CEACAM7: variants seen among roughly 807,000 people sequenced by gnomAD.
The protein encoded by CEACAM7 is cell adhesion molecule CEACAM7.
Under a neutral mutation model 25.7 loss-of-function variants are expected in CEACAM7, and 24 were observed. That is an observed-to-expected ratio of 0.93 (90% CI 0.68 to 1.31). The LOEUF is 1.31. CEACAM7 is among the 40% of genes most tolerant of loss of function. The probability of loss-of-function intolerance (pLI) is 0.00; values close to 1 mark genes in which losing one functional copy is unlikely to be tolerated. For synonymous variants in CEACAM7, 144 were observed against 129.4 expected, an observed-to-expected ratio of 1.11 and a Z score of -0.77; for missense variants, 324 against 330.1, an observed-to-expected ratio of 0.98 and a Z score of 0.14.
At chr19:41,685,579 T>A (rs2072218435) in intron 2 of CEACAM7, among the ~76,000 whole-genome samples, 1 of 152,146 alleles carries the variant, frequency 6.6e-6, no homozygotes, top group African/African-American at 2.4e-5. Context: ...AGAGAACTAC[T>A]GAGCGAGTGT....
At chr19:41,674,950 G>A (rs1285662617) in intron 4 of CEACAM7, among the ~76,000 whole-genome samples, 6 of 152,114 alleles carry the variant, frequency 3.9e-5, no homozygotes, top group Admixed American at 6.5e-5. Context: ...CAAGAATAGC[G>A]ATTGACCACA....
chr19:41,682,183 C>A (rs1462796028), intron 3 of CEACAM7, among the ~76,000 whole-genome samples: 1 of 152,162 alleles, frequency 6.6e-6, no homozygotes, highest in South Asian at 2.1e-4. Flanking sequence ...AAGCGAGCCA[C>A]CCATCTCAAC....
Position 41,683,792 on chromosome 19 carries a change from A to G in CEACAM7, c.699T>C (p.Asn233=). ...GGAACAGAAGATACTCACAGCGGAC[A>G]TTCAGGGTGACTGGGTCACTGCGGC... ...GASRSDPVTL[N]VRYESVQASS... The change falls in exon 3 of 5, where the codon AAT becomes AAC. Residue 233 remains asparagine (N), a synonymous_variant. Coordinates refer to ENST00000401731, the MANE Select transcript of CEACAM7 (RefSeq NM_001291485.2). 6.2e-7 allele frequency: 1 copy of G among 1,614,114 alleles called. No homozygotes were observed. The highest frequency in any genetic ancestry group is 8.5e-7 in the Non-Finnish European group (1 of 1,179,980).
At chr19:41,680,276 CT>C (rs1451796079) in intron 3 of CEACAM7, among the ~76,000 whole-genome samples, 1 of 151,824 alleles carries the variant, frequency 6.6e-6, no homozygotes, top group Non-Finnish European at 1.5e-5. Context: ...TAAAATGCAG[CT>C]GAAAGAAATT....
In CEACAM7 at chr19:41,682,825, G is replaced by A. The variant is rs541322695; in HGVS notation, c.706+960C>T. ...ACACAAAGAGGTGACAAAAAGGGAC[G>A]TATTGATGACCGAGAGAACCCTTAA... On this transcript the variant is annotated intron_variant, in intron 3 of 4. Transcript: ENST00000401731. Among the ~76,000 whole-genome samples, 11 of 152,354 alleles carry A rather than the reference G, an allele frequency of 7.2e-5. No individual in the cohort carries two copies. In the South Asian group the frequency reaches 2.3e-3, roughly 32 times the overall value.
rs889588694 is a variant in CEACAM7 at position 41,684,158 on chromosome 19, G to A, written c.428-95C>T. 6.7e-6 allele frequency: 9 copies of A among 1,341,790 alleles called. No individual in the cohort carries two copies. The Admixed American group carries it at 1.4e-4, about 20-fold the overall frequency. The allele number at this position is 1,341,790 out of a possible 1,614,324, so 83.1% of individuals were successfully genotyped here. ...CAGAGTTGGCATCTCCCACCTCTAAGCCCACTCAAGTCCTTAAAAGCCCAC... is the reference window on the plus strand; with the variant it reads ...CAGAGTTGGCATCTCCCACCTCTAAACCCACTCAAGTCCTTAAAAGCCCAC... On this transcript the variant is annotated intron_variant, in intron 2 of 4. Transcript: ENST00000401731.
At chr19:41,677,791 T>C (rs1235603337) in intron 3 of CEACAM7, among the ~76,000 whole-genome samples, 1 of 152,184 alleles carries the variant, frequency 6.6e-6, no homozygotes, top group Non-Finnish European at 1.5e-5. Flanking sequence ...GCTAATCTTG[T>C]ATGTCATTAA....
intron 2 of CEACAM7, among the ~76,000 whole-genome samples, chr19:41,686,167 C>T (rs1555811158): frequency 6.6e-6 from 1 of 152,136 alleles, no homozygotes; most frequent in African/African-American, 2.4e-5. Flanking sequence ...ACAGCAGAAA[C>T]TTTCTTCTTC....
At chr19:41,679,090 A>G (rs1026503374) in intron 3 of CEACAM7, among the ~76,000 whole-genome samples, 5 of 152,228 alleles carry the variant, frequency 3.3e-5, no homozygotes, top group Non-Finnish European at 7.3e-5. Context: ...TCTTCAAAAA[A>G]GTTCAACAAA....
intron 1 of CEACAM7, 71 bp downstream of exon 1, chr19:41,688,031 T>A: frequency 7.1e-7 from 1 of 1,400,070 alleles, no homozygotes. Flanking sequence ...CAGAGCCCCG[T>A]CCTCCCAAGG....
intron 3 of CEACAM7, among the ~76,000 whole-genome samples, chr19:41,681,232 CAT>C (rs782409330): frequency 3.3e-5 from 5 of 152,094 alleles, no homozygotes; most frequent in South Asian, 2.1e-4. Context: ...CCACCACACA[CAT>C]GTTAGGATGG....
rs1205645700 is a variant in CEACAM7, at chr19:41,686,858, C to T, written c.427+1G>A. ...CCAGAAGTCATGGAGGTATCACTCA[C>T]AGAATACGTAGAATTGTCTGGTTAC... On this transcript the variant is annotated splice_donor_variant, in intron 2 of 4. Coordinates refer to ENST00000401731, the MANE Select transcript of CEACAM7 (RefSeq NM_001291485.2). LOFTEE classifies it high-confidence loss of function. The T allele has an allele frequency of 1.3e-6, 2 of 1,524,442 alleles. No homozygotes were observed. The highest frequency in any genetic ancestry group is 1.8e-6 in the Non-Finnish European group (2 of 1,138,990). The allele number at this position is 1,524,442 out of a possible 1,614,324, so 94.4% of individuals were successfully genotyped here.
intron 3 of CEACAM7, among the ~76,000 whole-genome samples, chr19:41,678,820 C>A (rs1382835947): frequency 1.3e-5 from 2 of 152,286 alleles, no homozygotes; most frequent in African/African-American, 4.8e-5. Flanking sequence ...CAAAACAATA[C>A]TGTGAAACAG....
In CEACAM7 at chr19:41,680,242, G is replaced by GA. The variant is rs201724833; in HGVS notation, c.707-2740dup. Among the ~76,000 whole-genome samples the GA allele has an allele frequency of 1.9e-4, 29 of 151,890 alleles. No homozygotes were observed. In the East Asian group the frequency reaches 5.6e-3, roughly 29 times the overall value. The stretch of plus-strand genomic sequence containing the variant: ...TAGGAATATACTTAACCAAGGAGGT[G>GA]AAAAAATTGTAAGCTGAAAATTATA... On this transcript the variant is annotated intron_variant, in intron 3 of 4. Transcript: ENST00000401731.
intron 3 of CEACAM7, 58 bp from the exon 4 acceptor site, chr19:41,677,561 C>T (rs1350196376): frequency 1.6e-5 from 21 of 1,274,728 alleles, no homozygotes; most frequent in Admixed American, 5.2e-5. Flanking sequence ...GGGAAGTCCC[C>T]CAGGAACCAA....
Position 41,684,054 on chromosome 19 carries a change from G to T in CEACAM7, c.437C>A (p.Pro146His), listed in dbSNP as rs782055764. The T allele has an allele frequency of 1.2e-6, 2 of 1,614,094 alleles. No homozygotes were observed. Among genetic ancestry groups the T allele is most frequent in the Admixed American group, 3.3e-5 (2 of 60,016 alleles). ...GTTGTTGCTGGTGATGGAGGGCTTG[G>T]GTGGCTCCGCTGTGCAGATAAGAGA... is the stretch of plus-strand genomic sequence containing the variant. ...TRQFYVFSEP[P>H]KPSITSNNFN... The change falls in exon 3 of 5, where the codon CCC becomes CAC. Residue 146 changes from proline (P) to histidine (H), a missense_variant. Pro to His is a moderately conservative substitution (Grantham distance 77, BLOSUM62 -2). Transcript: ENST00000401731.
At chr19:41,682,928 A>C (rs185269605) in intron 3 of CEACAM7, among the ~76,000 whole-genome samples, 64 of 152,302 alleles carry the variant, frequency 4.2e-4, no homozygotes, top group African/African-American at 1.2e-3. Context: ...CCCTCCCCAC[A>C]TTCCAGGCTG....
intron 1 of CEACAM7, 46 bp downstream of exon 1, chr19:41,688,056 C>G (rs1555811419): frequency 6.4e-7 from 1 of 1,563,390 alleles, no homozygotes. Context: ...CCCAGCCAGT[C>G]TCTCTGGCCC....
chr19:41,679,819 T>TTTTTTTA (rs2072154926), intron 3 of CEACAM7, among the ~76,000 whole-genome samples: 1 of 148,542 alleles, frequency 6.7e-6, no homozygotes, highest in African/African-American at 2.5e-5. Flanking sequence ...TTTTTTTTTT[T>TTTTTTTA]GAGACAGAGT....
Sources: allele counts gnomAD v4.1 joint callset (sites outside exome capture counted in the v4.1 genomes callset), GRCh38; gene constraint gnomAD v4.1.1; transcripts MANE v1.5; gene names NCBI Gene and HGNC (gene_info 2026-07-23, HGNC 2026-07-21).